The following CNNM2 variants were observed in gnomAD, a reference collection of about 807,000 sequenced individuals.
CNNM2 encodes the protein cyclin and CBS domain divalent metal cation transport mediator 2.
Under a neutral mutation model 66.9 loss-of-function variants are expected in CNNM2, and 12 were observed. The observed-to-expected ratio is 0.18, with a 90% CI of 0.11 to 0.29. CNNM2 has a LOEUF of 0.29. CNNM2 is among the 10% of genes least tolerant of loss of function. The probability of loss-of-function intolerance (pLI) is 1.00; values close to 1 mark genes in which losing one functional copy is unlikely to be tolerated. For synonymous variants in CNNM2, 557 were observed against 501.8 expected, an observed-to-expected ratio of 1.11 and a Z score of -1.47; for missense variants, 705 against 1,167.7, an observed-to-expected ratio of 0.60 and a Z score of 5.77.
chr10:102,977,055 T>C (rs1429140367), intron 1 of CNNM2, among the ~76,000 whole-genome samples: 1 of 152,160 alleles, frequency 6.6e-6, no homozygotes, highest in Non-Finnish European at 1.5e-5. Context: ...AGTATTATTC[T>C]TCCCATAATA....
intron 1 of CNNM2, among the ~76,000 whole-genome samples, chr10:103,044,118 C>G (rs1297073168): frequency 6.6e-6 from 1 of 152,104 alleles, no homozygotes; most frequent in African/African-American, 2.4e-5. Context: ...TTGTTGACTG[C>G]TATATTTTCA....
chr10:103,041,989 C>A (rs944938533), intron 1 of CNNM2, among the ~76,000 whole-genome samples: 3 of 152,196 alleles, frequency 2.0e-5, no homozygotes, highest in African/African-American at 7.2e-5. Context: ...CTGTGTCTCT[C>A]TCTCTTGAAT....
intron 1 of CNNM2, among the ~76,000 whole-genome samples, chr10:102,966,659 A>G (rs1316355351): frequency 6.6e-6 from 1 of 152,202 alleles, no homozygotes; most frequent in Admixed American, 6.5e-5. Context: ...AATGGTGCCT[A>G]TTCCCTGTAG....
Position 102,992,031 on chromosome 10 carries a change from A to G in CNNM2, c.1622-57676A>G, listed in dbSNP as rs190884485. On this transcript the variant is annotated intron_variant, in intron 1 of 7. Transcript: ENST00000369878. ...TGCATTTACATTACCTGTATGTACT[A>G]TACATACAAATTGATATGTACATGC... Among the ~76,000 whole-genome samples, 7 of 152,268 alleles carry G rather than the reference A, an allele frequency of 4.6e-5. No homozygotes were observed. In the East Asian group the frequency reaches 1.3e-3, roughly 29 times the overall value.
At chr10:102,975,030 G>GTGGT (rs1157478574) in intron 1 of CNNM2, among the ~76,000 whole-genome samples, 1 of 152,146 alleles carries the variant, frequency 6.6e-6, no homozygotes, top group Non-Finnish European at 1.5e-5. Flanking sequence ...TTTGTACCTT[G>GTGGT]TGGTTCTAGG....
intron 1 of CNNM2, among the ~76,000 whole-genome samples, chr10:102,972,150 G>A (rs1031716424): frequency 6.6e-5 from 10 of 152,116 alleles, no homozygotes; most frequent in African/African-American, 2.4e-4. Context: ...TGCTTGCAAC[G>A]TGTTTCCATG....
chr10:103,026,798 A>C (rs1458258794), intron 1 of CNNM2, among the ~76,000 whole-genome samples: 4 of 152,084 alleles, frequency 2.6e-5, no homozygotes, highest in African/African-American at 9.7e-5. Flanking sequence ...ACATTGTTAC[A>C]TGGAGGTCAG....
In CNNM2 at chr10:103,054,296, C is replaced by CTT; in HGVS notation, c.1766-25_1766-24dup. On this transcript the variant is annotated intron_variant, in intron 2 of 7. Coordinates refer to ENST00000369878, the MANE Select transcript of CNNM2 (RefSeq NM_017649.5). This position sits in a 1 kb window ranked among gnomAD's most constrained non-coding sequence, Gnocchi z 5.2. ...AGCCCTCATCTCATGGGATGCATTTCTTTTTTTTTCTCTCTTTTAATTCCT... is the reference window on the plus strand; with the variant it reads ...AGCCCTCATCTCATGGGATGCATTTCTTTTTTTTTTTCTCTCTTTTAATTCCT... 1.3e-6 allele frequency: 2 copies of CTT among 1,591,376 alleles called. No individual in the cohort carries two copies. The highest frequency in any genetic ancestry group is 2.3e-5 in the East Asian group (1 of 44,378).
At chr10:103,043,176 A>G (rs886989026) in intron 1 of CNNM2, among the ~76,000 whole-genome samples, 1 of 152,242 alleles carries the variant, frequency 6.6e-6, no homozygotes, top group South Asian at 2.1e-4. Flanking sequence ...GTTTCTCATG[A>G]CGGGGGTCTG....
chr10:103,031,425 T>C (rs542664634), intron 1 of CNNM2, among the ~76,000 whole-genome samples: 1 of 152,278 alleles, frequency 6.6e-6, no homozygotes, highest in South Asian at 2.1e-4. Context: ...GTATAGTTAT[T>C]GGTGGCCATC....
chr10:102,979,133 G>T (rs2063682427), intron 1 of CNNM2, among the ~76,000 whole-genome samples: 2 of 152,172 alleles, frequency 1.3e-5, no homozygotes, highest in Admixed American at 1.3e-4. Context: ...TTTATGTTGG[G>T]TATATACCTA....
intron 1 of CNNM2, among the ~76,000 whole-genome samples, chr10:103,022,554 A>G (rs974855956): frequency 6.6e-6 from 1 of 152,182 alleles, no homozygotes; most frequent in Admixed American, 6.5e-5. Context: ...CATGGTAGGA[A>G]TACTTACACC....
chr10:102,947,774 A>G (rs1471577056), intron 1 of CNNM2, among the ~76,000 whole-genome samples: 2 of 150,978 alleles, frequency 1.3e-5, no homozygotes, highest in Non-Finnish European at 3.0e-5. Flanking sequence ...CAAACAGGCC[A>G]GGCGCGGTGG....
At chr10:103,047,377 G>A (rs2065144088) in intron 1 of CNNM2, among the ~76,000 whole-genome samples, 1 of 152,184 alleles carries the variant, frequency 6.6e-6, no homozygotes, top group South Asian at 2.1e-4. Flanking sequence ...CCGAAAAACT[G>A]TCACAGACCA....
chr10:103,027,752 C>T (rs1410259867), intron 1 of CNNM2, among the ~76,000 whole-genome samples: 3 of 152,168 alleles, frequency 2.0e-5, no homozygotes, highest in African/African-American at 7.2e-5. Flanking sequence ...TGATTTTTAG[C>T]TTCCTAACCC....
At chr10:103,070,332 T>C (rs1172474827) in intron 5 of CNNM2, among the ~76,000 whole-genome samples, 17 of 152,048 alleles carry the variant, frequency 1.1e-4, no homozygotes, top group Non-Finnish European at 2.4e-4. Context: ...GCGAGGCCCT[T>C]GGTCTCATCC....
At chr10:103,071,610 A>AGT (rs1298961090) in intron 5 of CNNM2, among the ~76,000 whole-genome samples, 164 bp from the exon 6 acceptor site, 2 of 152,176 alleles carry the variant, frequency 1.3e-5, no homozygotes, top group Admixed American at 1.3e-4. Context: ...CCTGGAAAGC[A>AGT]GTGTGTGTTG....
chr10:103,076,292 T>C, intron 7 of CNNM2, 22 bp downstream of exon 7: 3 of 1,549,294 alleles, frequency 1.9e-6, no homozygotes, highest in Non-Finnish European at 1.7e-6. Context: ...GAGTGCAGTG[T>C]GGCTGGACCT....
At position 103,073,863 on chromosome 10, in the gene CNNM2, C is replaced by T. The variant is rs551454499; in HGVS notation, c.2233+2024C>T. On this transcript the variant is annotated intron_variant, in intron 6 of 7. Transcript: ENST00000369878. ...TGGCCTGGGCGACAGAGCGAGACTC[C>T]GTCTCAAAAAAAAAAAAAAAAAAAA... Among the ~76,000 whole-genome samples the T allele has an allele frequency of 2.3e-3, 236 of 102,054 alleles. 3 individuals are homozygous for T. The highest frequency in any genetic ancestry group is 0.016 in the East Asian group (65 of 4,026). 67.0% of individuals were successfully genotyped at this position (102,054 alleles called of 152,430 possible).
Sources: allele counts gnomAD v4.1 joint callset (sites outside exome capture counted in the v4.1 genomes callset), GRCh38; gene constraint gnomAD v4.1.1; non-coding constraint Gnocchi (gnomAD v3.1); transcripts MANE v1.5; gene names NCBI Gene and HGNC (gene_info 2026-07-23, HGNC 2026-07-21).